Variants in NUP205 observed in about 807,000 individuals in gnomAD.
NUP205 encodes nucleoporin 205.
In NUP205, 76 loss-of-function variants were observed where a neutral mutation model predicts 253.8. That is an observed-to-expected ratio of 0.30 (90% CI 0.25 to 0.36). The LOEUF is 0.36. Among genes scored for constraint, NUP205 ranks in the 10% least tolerant of loss-of-function variants. The pLI is 1.00. For synonymous variants in NUP205, 832 were observed against 850.1 expected, an observed-to-expected ratio of 0.98 and a Z score of 0.37; for missense variants, 2,162 against 2,425.5, an observed-to-expected ratio of 0.89 and a Z score of 2.28.
In NUP205 at chr7:135,591,532, G is replaced by A. The variant is rs1056914653; in HGVS notation, c.1556G>A (p.Gly519Glu). ...IYIPYLKMLQGLANGPQCAHY... is the reference protein window; with the variant it reads ...IYIPYLKMLQELANGPQCAHY... ...ATTCCTTATTTGAAGATGCTCCAGG[G>A]ATTGGCCAATGGGCCTCAGTGTGCC... The change falls in exon 11 of 43, where the codon GGA (glycine) becomes GAA (glutamate). Residue 519 changes from glycine to glutamate, a missense_variant. Physicochemically the swap from Gly to Glu is moderately conservative, Grantham distance 98. This residue lies in a region of NUP205 where 892 missense variants were observed against 957.1 expected (regional missense o/e 0.93). Transcript: ENST00000285968. The A allele has an allele frequency of 1.9e-6, 3 of 1,613,936 alleles. No individual in the cohort carries two copies. The African/African-American group carries it at 4.0e-5, about 22-fold the overall frequency.
At chr7:135,644,125 C>T (rs6979391) in intron 39 of NUP205, among the ~76,000 whole-genome samples, 32,169 of 152,116 alleles carry the variant, frequency 0.21, 3,508 homozygotes, top group South Asian at 0.31. Flanking sequence ...ACCTAACACC[C>T]GGGCAGATAT....
chr7:135,563,199 A>G (rs1584631574), intron 1 of NUP205, among the ~76,000 whole-genome samples: 1 of 150,824 alleles, frequency 6.6e-6, no homozygotes, highest in Non-Finnish European at 1.5e-5. Flanking sequence ...TTATTTTTTT[A>G]TTTTTTGAGA....
chr7:135,618,076 G>A (rs986112421), intron 27 of NUP205, among the ~76,000 whole-genome samples: 9 of 151,982 alleles, frequency 5.9e-5, no homozygotes, highest in African/African-American at 2.2e-4. Context: ...TAAAAGAGAT[G>A]TCAGAGAAAC....
intron 11 of NUP205, among the ~76,000 whole-genome samples, 194 bp from the exon 12 acceptor site, chr7:135,592,793 A>G (rs1219525376): frequency 6.6e-6 from 1 of 152,194 alleles, no homozygotes; most frequent in Non-Finnish European, 1.5e-5. Context: ...AGGTTGAGAC[A>G]GGAGAATTGC....
chr7:135,612,402 A>G (rs574668354), intron 22 of NUP205, among the ~76,000 whole-genome samples: 9 of 152,364 alleles, frequency 5.9e-5, no homozygotes, highest in Admixed American at 2.0e-4. Flanking sequence ...CAACAGCACT[A>G]TAACTCAGCC....
In NUP205 at chr7:135,606,836, C is replaced by T; in HGVS notation, c.2991C>T (p.Cys997=). 6.2e-7 allele frequency: 1 copy of T among 1,613,370 alleles called. No individual in the cohort carries two copies. Among genetic ancestry groups the T allele is most frequent in the Non-Finnish European group, 8.5e-7 (1 of 1,179,344 alleles). Residue 997 remains cysteine (C), a synonymous_variant, in exon 21 of 43, where the codon TGC becomes TGT. Coordinates refer to ENST00000285968, the MANE Select transcript of NUP205 (RefSeq NM_015135.3). ...ATCTTCTCATTACCTCTCTGGAATG[C>T]AATCCACCCAATCTTGCTCTCTACC... The part of the protein sequence containing the change: ...ILNLLITSLE[C]NPPNLALYLL...
chr7:135,626,113 T>C, intron 32 of NUP205, 127 bp from the exon 33 acceptor site: 1 of 1,145,148 alleles, frequency 8.7e-7, no homozygotes, highest in East Asian at 2.4e-5. Context: ...ATGTAACCTG[T>C]CACTAGCCCA....
intron 39 of NUP205, among the ~76,000 whole-genome samples, chr7:135,644,046 C>T (rs554467540): frequency 6.6e-6 from 1 of 152,356 alleles, no homozygotes; most frequent in Non-Finnish European, 1.5e-5. Flanking sequence ...CCTCTTGCCA[C>T]TTTTCTGGTA....
In NUP205 at chr7:135,598,037, C is replaced by T; in HGVS notation, c.2104C>T (p.Pro702Ser). 6.2e-7 allele frequency: 1 copy of T among 1,613,860 alleles called. No homozygotes were observed. Among genetic ancestry groups the T allele is most frequent in the Non-Finnish European group, 8.5e-7 (1 of 1,179,922 alleles). The change falls in exon 15 of 43, where the codon CCA becomes TCA. Residue 702 changes from proline to serine, a missense_variant. This residue lies in a region of NUP205 where 892 missense variants were observed against 957.1 expected (regional missense o/e 0.93). Coordinates refer to ENST00000285968, the MANE Select transcript of NUP205 (RefSeq NM_015135.3). ...AATAGAATCCCGGTGTGAAGAATAC[C>T]CATTGACTCGGGCCTTTTGCCAGCT... ...NEIESRCEEY[P>S]LTRAFCQLIS...
rs188240897 is a variant in NUP205 at position 135,594,835 on chromosome 7, A to G, written c.2013+106A>G. Reference sequence around the variant, plus strand: ...AATTGGAACTTATAGTATATCATGAACATCCCAACTAGAGTTACGGTTTAG... The same window carrying G: ...AATTGGAACTTATAGTATATCATGAGCATCCCAACTAGAGTTACGGTTTAG... On this transcript the variant is annotated intron_variant, in intron 13 of 42. Coordinates refer to ENST00000285968, the MANE Select transcript of NUP205 (RefSeq NM_015135.3). The G allele has an allele frequency of 0.02, 16,994 of 832,888 alleles. 225 individuals are homozygous for G. Among genetic ancestry groups the G allele is most frequent in the Non-Finnish European group, 0.025 (13,651 of 537,848 alleles). The allele number at this position is 832,888 out of a possible 1,614,324, so 51.6% of individuals were successfully genotyped here.
chr7:135,607,717 C>T (rs772518139), intron 22 of NUP205, among the ~76,000 whole-genome samples: 2 of 152,204 alleles, frequency 1.3e-5, no homozygotes, highest in Admixed American at 6.5e-5. Context: ...GGTGAAGTCA[C>T]CTTGGGCATG....
At chr7:135,628,224 G>A (rs1044197478) in intron 34 of NUP205, 113 bp downstream of exon 34, 1 of 996,162 alleles carries the variant, frequency 1.0e-6, no homozygotes, top group Admixed American at 2.7e-5. Flanking sequence ...CCTAATGTTT[G>A]TGGCAGAGCA....
chr7:135,612,914 G>A (rs1794274402), intron 22 of NUP205, among the ~76,000 whole-genome samples: 1 of 152,082 alleles, frequency 6.6e-6, no homozygotes, highest in Non-Finnish European at 1.5e-5. Flanking sequence ...TACATGGAAA[G>A]CATCTAATAA....
At position 135,563,375 on chromosome 7, in the gene NUP205, G is replaced by A. The variant is rs922950533; in HGVS notation, c.28+5403G>A. 5.3e-5 allele frequency among the ~76,000 whole-genome samples: 8 copies of A among 151,910 alleles called. No individual in the cohort carries two copies. In the South Asian group the frequency reaches 1.7e-3, roughly 32 times the overall value. ...GCTAATTTTTTGTATTTTTGGTAGA[G>A]ACGGGGTTTCGCTGTGTTGGCCAGG... On this transcript the variant is annotated intron_variant, in intron 1 of 42. Coordinates refer to ENST00000285968, the MANE Select transcript of NUP205 (RefSeq NM_015135.3).
At chr7:135,623,218 G>A (rs547116109) in intron 31 of NUP205, among the ~76,000 whole-genome samples, 9 of 152,310 alleles carry the variant, frequency 5.9e-5, no homozygotes, top group African/African-American at 1.9e-4. Context: ...GGCAGAGGTT[G>A]CTTGCGGTGA....
chr7:135,598,262 A>G (rs1316563294), intron 15 of NUP205, 55 bp downstream of exon 15: 27 of 1,448,600 alleles, frequency 1.9e-5, no homozygotes, highest in South Asian at 5.9e-5. Context: ...TTTTTCTTTT[A>G]TCAAAAGTAT....
chr7:135,619,074 T>G (rs1356535398), intron 28 of NUP205, among the ~76,000 whole-genome samples: 1 of 152,134 alleles, frequency 6.6e-6, no homozygotes, highest in African/African-American at 2.4e-5. Flanking sequence ...ATATAAAACT[T>G]GTTAATGGGC....
At position 135,618,549 on chromosome 7, in the gene NUP205, G is replaced by A; in HGVS notation, c.3909G>A (p.Gln1303=). The A allele has an allele frequency of 1.2e-6, 2 of 1,613,380 alleles. No homozygotes were observed. The highest frequency in any genetic ancestry group is 8.5e-7 in the Non-Finnish European group (1 of 1,179,730). Residue 1303 remains glutamine (Q), a synonymous_variant, in exon 28 of 43, where the codon CAG becomes CAA. Coordinates refer to ENST00000285968, the MANE Select transcript of NUP205 (RefSeq NM_015135.3). ...CAGCTTGTCCCCAGGACCTCATTCA[G>A]GCAGAGGATCGACAACTGATTATTC... ...ILTACPQDLI[Q]AEDRQLIIRD...
Position 135,573,711 on chromosome 7 carries a change from A to AT in NUP205, c.231dup (p.Gln78SerfsTer11). On this transcript the variant is annotated frameshift_variant, in exon 3 of 43. Transcript: ENST00000285968. LOFTEE classifies it high-confidence loss of function. The stretch of plus-strand genomic sequence containing the variant: ...GAAAGCCAGTACAGAGGGAGTCGCC[A>AT]TTCAGGGTCAACAGGGAACTCGACT... The AT allele has an allele frequency of 6.2e-7, 1 of 1,614,056 alleles. No individual in the cohort carries two copies. The highest frequency in any genetic ancestry group is 8.5e-7 in the Non-Finnish European group (1 of 1,179,922).
Sources: allele counts gnomAD v4.1 joint callset (sites outside exome capture counted in the v4.1 genomes callset), GRCh38; gene constraint gnomAD v4.1.1; regional missense constraint gnomAD v4.1.1; transcripts MANE v1.5; gene names NCBI Gene and HGNC (gene_info 2026-07-23, HGNC 2026-07-21).